Variants in ALOX5 observed in about 807,000 individuals in gnomAD.
ALOX5 encodes the protein polyunsaturated fatty acid 5-lipoxygenase.
Under a neutral mutation model 87.9 loss-of-function variants are expected in ALOX5, and 64 were observed. That is an observed-to-expected ratio of 0.73 (90% CI 0.60 to 0.90). The LOEUF is 0.90. Among genes scored for constraint, ALOX5 ranks in the 40% least tolerant of loss-of-function variants. ALOX5 has a pLI of 0.00. For missense variants in ALOX5, 822 were observed against 907.5 expected (o/e 0.91, Z 1.21); for synonymous variants, 388 against 355.1 (o/e 1.09, Z -1.04).
At position 45,402,073 on chromosome 10, in the gene ALOX5, C is replaced by T. The variant is rs368285742; in HGVS notation, c.431+6137C>T. Among the ~76,000 whole-genome samples, 12 of 116,484 alleles carry T rather than the reference C, an allele frequency of 1.0e-4. No homozygotes were observed. The East Asian group carries it at 1.7e-3, about 17-fold the overall frequency. The allele number at this position is 116,484 out of a possible 152,430, so 76.4% of individuals were successfully genotyped here. A position where few individuals can be genotyped will look rare whatever the true frequency, so the allele number is the denominator to read the frequency against. On this transcript the variant is annotated intron_variant, in intron 3 of 13. Coordinates refer to ENST00000374391, the MANE Select transcript of ALOX5 (RefSeq NM_000698.5). ...CTGCACTCCAGCCTGGGCGACAGAGCGAGACTCCGTCTCAAAAAAAAAAAA... is the reference window on the plus strand; with the variant it reads ...CTGCACTCCAGCCTGGGCGACAGAGTGAGACTCCGTCTCAAAAAAAAAAAA...
At chr10:45,383,190 TCA>T (rs1293386318) in intron 2 of ALOX5, among the ~76,000 whole-genome samples, 1 of 152,206 alleles carries the variant, frequency 6.6e-6, no homozygotes, top group South Asian at 2.1e-4. Flanking sequence ...AGCCTGCAAA[TCA>T]CAGTTACCAG....
In ALOX5 at chr10:45,412,323, C is replaced by A; in HGVS notation, c.554+10C>A. The A allele has an allele frequency of 5.0e-6, 8 of 1,613,832 alleles. 1 individual carries two copies. In the South Asian group the frequency reaches 8.8e-5, roughly 18 times the overall value. On this transcript the variant is annotated intron_variant, in intron 4 of 13. Coordinates refer to ENST00000374391, the MANE Select transcript of ALOX5 (RefSeq NM_000698.5). ...TGAATTACTCCAAAGCGTAAGTTTA[C>A]GAGAACTGAGGGACTCTGGGCAGCC... is the stretch of plus-strand genomic sequence containing the variant.
intron 2 of ALOX5, among the ~76,000 whole-genome samples, chr10:45,392,100 C>T (rs576880740): frequency 3.3e-5 from 5 of 151,932 alleles, no homozygotes; most frequent in South Asian, 4.2e-4. Context: ...GTCAGCCCCC[C>T]GCCCGGCCAG....
At chr10:45,430,570 G>T (rs187840631) in intron 7 of ALOX5, among the ~76,000 whole-genome samples, 1 of 151,714 alleles carries the variant, frequency 6.6e-6, no homozygotes, top group East Asian at 1.9e-4. Context: ...AGTGTGCTAT[G>T]ATCACACCTG....
At chr10:45,384,834 T>C (rs146286085) in intron 2 of ALOX5, among the ~76,000 whole-genome samples, 4 of 107,624 alleles carry the variant, frequency 3.7e-5, no homozygotes, top group South Asian at 2.5e-4. Flanking sequence ...ATTTGTGGCC[T>C]ATTATTATTA....
At chr10:45,429,515 G>A (rs562081563) in intron 7 of ALOX5, among the ~76,000 whole-genome samples, 4 of 152,332 alleles carry the variant, frequency 2.6e-5, no homozygotes, top group African/African-American at 7.2e-5. Context: ...TGCACAGTCC[G>A]CAATCCCTTA....
At position 45,374,250 on chromosome 10, in the gene ALOX5, C is replaced by T. The variant is rs1208416966; in HGVS notation, c.-30C>T. ...CACCTGGACCGCCGCGCCGAGGCTC[C>T]CGGCGCTCGCTGCTCCCGCGGCCCG... On this transcript the variant is annotated 5_prime_UTR_variant, in exon 1 of 14. Transcript: ENST00000374391. 4.1e-6 allele frequency: 6 copies of T among 1,453,770 alleles called. No homozygotes were observed. The African/African-American group carries it at 4.4e-5, about 11-fold the overall frequency. The allele number at this position is 1,453,770 out of a possible 1,614,324, so 90.1% of individuals were successfully genotyped here.
At chr10:45,374,717 G>C (rs185223933) in intron 1 of ALOX5, among the ~76,000 whole-genome samples, 1 of 152,212 alleles carries the variant, frequency 6.6e-6, no homozygotes. Flanking sequence ...CGTCTTCCCT[G>C]GGAGGAGAAG....
chr10:45,428,603 C>T lies in ALOX5; in HGVS notation c.835-15C>T, dbSNP rs1172881143. On this transcript the variant is annotated splice_polypyrimidine_tract_variant and intron_variant, in intron 6 of 13. Transcript: ENST00000374391. ...TGCTGAGCCTGATTTGGACACATCT[C>T]TCTGCCTCCTGCAGCAAGGGAACAT... The T allele has an allele frequency of 6.2e-7, 1 of 1,613,786 alleles. No individual in the cohort carries two copies. Among genetic ancestry groups the T allele is most frequent in the East Asian group, 2.2e-5 (1 of 44,882 alleles).
intron 7 of ALOX5, among the ~76,000 whole-genome samples, chr10:45,437,671 TAA>T: frequency 6.6e-6 from 1 of 152,350 alleles, no homozygotes. Context: ...ATTACTTTTC[TAA>T]GTCCTTTCAT....
In ALOX5 at chr10:45,392,083, T is replaced by A. The variant is rs371666203; in HGVS notation, c.350-3772T>A. On this transcript the variant is annotated intron_variant, in intron 2 of 13. Transcript: ENST00000374391. Reference sequence around the variant, plus strand: ...CCAGCCGCCCCGTCCGAGAGGGAGGTGGGGGGGTCAGCCCCCCGCCCGGCC... The same window carrying A: ...CCAGCCGCCCCGTCCGAGAGGGAGGAGGGGGGGTCAGCCCCCCGCCCGGCC... Among the ~76,000 whole-genome samples the A allele has an allele frequency of 4.6e-3, 656 of 143,914 alleles. 38 individuals carry two copies. In the East Asian group the frequency reaches 0.12, roughly 27 times the overall value. The allele number at this position is 143,914 out of a possible 152,430, so 94.4% of individuals were successfully genotyped here. A position where few individuals can be genotyped will look rare whatever the true frequency, so the allele number is the denominator to read the frequency against.
intron 3 of ALOX5, among the ~76,000 whole-genome samples, chr10:45,410,987 G>A (rs1188271372): frequency 6.6e-6 from 1 of 152,236 alleles, no homozygotes; most frequent in Non-Finnish European, 1.5e-5. Flanking sequence ...CAGTCACTTC[G>A]TGATCATGTG....
At chr10:45,379,675 G>A (rs1157784597) in intron 1 of ALOX5, among the ~76,000 whole-genome samples, 1 of 152,210 alleles carries the variant, frequency 6.6e-6, no homozygotes, top group Non-Finnish European at 1.5e-5. Context: ...TGGTTCTGAT[G>A]CACACAACCG....
chr10:45,391,001 TCCCC>T (rs2132700624), intron 2 of ALOX5, among the ~76,000 whole-genome samples: 1 of 45,000 alleles, frequency 2.2e-5, no homozygotes, highest in African/African-American at 1.1e-4. Context: ...CTCTCCCCTC[TCCCC>T]TCTCTCCTCT....
At chr10:45,443,855 G>A in intron 12 of ALOX5, 27 bp downstream of exon 12, 1 of 1,575,450 alleles carries the variant, frequency 6.3e-7, no homozygotes, top group Non-Finnish European at 8.6e-7. Flanking sequence ...CCGCTGGGCA[G>A]GGCTCCCTTC....
At chr10:45,415,087 A>G (rs1411026380) in intron 4 of ALOX5, among the ~76,000 whole-genome samples, 3 of 152,232 alleles carry the variant, frequency 2.0e-5, no homozygotes, top group Admixed American at 2.0e-4. Context: ...ATTATCGGGT[A>G]TATACCCAAA....
Position 45,422,646 on chromosome 10 carries a change from G to A in ALOX5, c.555-1395G>A, listed in dbSNP as rs540537590. On this transcript the variant is annotated intron_variant, in intron 4 of 13. Coordinates refer to ENST00000374391, the MANE Select transcript of ALOX5 (RefSeq NM_000698.5). ...GGGCAGCAGGCATAGATTCATACAC[G>A]TGAGTTTGCACTTAAGCTGCAGTAA... 7.2e-5 allele frequency among the ~76,000 whole-genome samples: 11 copies of A among 152,314 alleles called. No homozygotes were observed. The East Asian group carries it at 1.5e-3, about 21-fold the overall frequency.
intron 3 of ALOX5, among the ~76,000 whole-genome samples, chr10:45,400,098 A>G (rs1404387563): frequency 6.6e-6 from 1 of 152,190 alleles, no homozygotes; most frequent in African/African-American, 2.4e-5. Context: ...AAAATCTGAA[A>G]CCCAGCTACA....
chr10:45,380,312 T>C (rs548998436), intron 1 of ALOX5, among the ~76,000 whole-genome samples: 1 of 152,312 alleles, frequency 6.6e-6, no homozygotes, highest in Admixed American at 6.5e-5. Flanking sequence ...TCCTCTGTCA[T>C]CAGAAACTGT....
Sources: allele counts gnomAD v4.1 joint callset (sites outside exome capture counted in the v4.1 genomes callset), GRCh38; gene constraint gnomAD v4.1.1; transcripts MANE v1.5; gene names NCBI Gene and HGNC (gene_info 2026-07-23, HGNC 2026-07-21).